DHRSX: variants seen among roughly 807,000 people sequenced by gnomAD.
DHRSX encodes the protein polyprenol dehydrogenase.
Under a neutral mutation model 34.0 loss-of-function variants are expected in DHRSX, and 31 were observed. The observed-to-expected ratio is 0.91, with a 90% CI of 0.69 to 1.23. The LOEUF is 1.23. DHRSX is among the 50% of genes most tolerant of loss of function. DHRSX has a pLI of 0.00. For missense variants in DHRSX, 414 were observed against 428.1 expected, an observed-to-expected ratio of 0.97 and a Z score of 0.29; for synonymous variants, 201 against 183.8, an observed-to-expected ratio of 1.09 and a Z score of -0.76.
intron 1 of DHRSX, among the ~76,000 whole-genome samples, chrX:2,496,180 ATTTTTG>A (rs1453168406): frequency 6.6e-6 from 1 of 151,684 alleles, no homozygotes; most frequent in Admixed American, 6.6e-5. Flanking sequence ...AGAGGTTTTT[ATTTTTG>A]TTTTTGTTTT....
intron 6 of DHRSX, among the ~76,000 whole-genome samples, chrX:2,231,501 C>G (rs934690694): frequency 3.4e-5 from 5 of 144,974 alleles, no homozygotes; most frequent in Non-Finnish European, 6.0e-5. Flanking sequence ...TCATTTCTTC[C>G]TTCTCCTTCT....
chrX:2,344,872 C>CATATATAT (rs775259345), intron 3 of DHRSX, among the ~76,000 whole-genome samples: 72 of 98,350 alleles, frequency 7.3e-4, no homozygotes, highest in East Asian at 1.0e-3. Flanking sequence ...TAAAAAGAAG[C>CATATATAT]ATATATATAT....
intron 5 of DHRSX, among the ~76,000 whole-genome samples, chrX:2,254,930 A>G (rs1457408926): frequency 1.4e-5 from 2 of 147,130 alleles, no homozygotes; most frequent in Admixed American, 1.4e-4. Context: ...GGTGTGAGCC[A>G]CTGTGCCTGC....
chrX:2,255,594 TAAAG>T (rs2041265864), intron 5 of DHRSX, among the ~76,000 whole-genome samples: 1 of 151,900 alleles, frequency 6.6e-6, no homozygotes, highest in African/African-American at 2.4e-5. Context: ...CAGAGTGAAA[TAAAG>T]AATTTCTTAA....
chrX:2,330,087 G>C (rs1486830762), intron 3 of DHRSX, among the ~76,000 whole-genome samples: 17 of 12,976 alleles, frequency 1.3e-3, no homozygotes, highest in South Asian at 7.7e-3. Context: ...GGGGGGGGGG[G>C]GGGGGGGAGG....
intron 3 of DHRSX, among the ~76,000 whole-genome samples, chrX:2,312,489 C>T (rs1297174098): frequency 6.6e-6 from 1 of 151,942 alleles, no homozygotes; most frequent in Non-Finnish European, 1.5e-5. Flanking sequence ...AAACCAAACA[C>T]TGCATGTTTT....
intron 1 of DHRSX, among the ~76,000 whole-genome samples, chrX:2,444,223 A>G (rs1482693290): frequency 6.6e-6 from 1 of 152,194 alleles, no homozygotes; most frequent in Non-Finnish European, 1.5e-5. Context: ...TGGTGATCCC[A>G]AATACAACAA....
chrX:2,393,776 A>AAG lies in DHRSX; in HGVS notation c.286+14968_286+14969insCT, dbSNP rs1471908800. On this transcript the variant is annotated intron_variant, in intron 3 of 6. Transcript: ENST00000334651. ...GGACCTCCCCATCTCCTGGGCACAC[A>AAG]ACACCCAGGGACCTCCCTGTCTCCT... Among the ~76,000 whole-genome samples, 5 of 50,556 alleles carry AAG rather than the reference A, an allele frequency of 9.9e-5. 1 individual carries two copies. Among genetic ancestry groups the AAG allele is most frequent in the East Asian group, 1.1e-3 (2 of 1,770 alleles). 33.2% of individuals were successfully genotyped at this position (50,556 alleles called of 152,430 possible).
intron 1 of DHRSX, among the ~76,000 whole-genome samples, chrX:2,447,767 A>G (rs2044157167): frequency 7.5e-6 from 1 of 133,606 alleles, no homozygotes; most frequent in Non-Finnish European, 1.6e-5. Flanking sequence ...GTGAAGTGAA[A>G]TAAACCAGGC....
At chrX:2,318,513 A>T (rs1478125546) in intron 3 of DHRSX, among the ~76,000 whole-genome samples, 1 of 150,216 alleles carries the variant, frequency 6.7e-6, no homozygotes, top group Non-Finnish European at 1.5e-5. Flanking sequence ...GACGAGACTG[A>T]CCTCTGGTCT....
intron 1 of DHRSX, among the ~76,000 whole-genome samples, chrX:2,445,474 T>G (rs1217067482): frequency 6.6e-6 from 1 of 152,126 alleles, no homozygotes; most frequent in Non-Finnish European, 1.5e-5. Flanking sequence ...TTTTAAAGAA[T>G]GGTATTTGCT....
At chrX:2,361,231 C>T (rs1470985892) in intron 3 of DHRSX, among the ~76,000 whole-genome samples, 1 of 152,086 alleles carries the variant, frequency 6.6e-6, no homozygotes, top group Non-Finnish European at 1.5e-5. Flanking sequence ...CTGCCTCAGC[C>T]TCCTGAGTAG....
chrX:2,411,675 T>G (rs2043631057), intron 2 of DHRSX, among the ~76,000 whole-genome samples: 1 of 150,662 alleles, frequency 6.6e-6, no homozygotes, highest in African/African-American at 2.4e-5. Flanking sequence ...TGCAGTGAGA[T>G]GAGATTGCGC....
intron 6 of DHRSX, among the ~76,000 whole-genome samples, chrX:2,229,013 G>A (rs1470679867): frequency 6.6e-6 from 1 of 152,180 alleles, no homozygotes; most frequent in African/African-American, 2.4e-5. Context: ...GAGGAGGCTA[G>A]CAGGGCTTGG....
chrX:2,282,603 A>G (rs1236348757), intron 4 of DHRSX, among the ~76,000 whole-genome samples: 29 of 131,194 alleles, frequency 2.2e-4, no homozygotes, highest in Admixed American at 4.7e-4. Flanking sequence ...AAGAGGGGAG[A>G]GAGAAGAAAG....
intron 3 of DHRSX, among the ~76,000 whole-genome samples, chrX:2,385,934 T>TA (rs1453947240): frequency 6.6e-6 from 1 of 151,976 alleles, no homozygotes; most frequent in Admixed American, 6.6e-5. Flanking sequence ...CTACACACCT[T>TA]AGGATTTGTG....
intron 1 of DHRSX, chrX:2,490,546 T>G (rs139717854): frequency 1.5e-5 from 25 of 1,613,838 alleles, no homozygotes; most frequent in Admixed American, 1.5e-4. Context: ...TGGAGGTGTT[T>G]CCGGAGTAGG....
intron 1 of DHRSX, among the ~76,000 whole-genome samples, chrX:2,500,103 G>A (rs1476467013): frequency 6.6e-6 from 1 of 152,178 alleles, no homozygotes; most frequent in Non-Finnish European, 1.5e-5. Flanking sequence ...ACACAGTGGC[G>A]GTCATCACTG....
In DHRSX at chrX:2,320,177, C is replaced by T. The variant is rs1352517020; in HGVS notation, c.287-28574G>A. Among the ~76,000 whole-genome samples the T allele has an allele frequency of 2.0e-5, 3 of 151,848 alleles. No individual in the cohort carries two copies. The Admixed American group carries it at 2.0e-4, about 10-fold the overall frequency. ...GTGATAAATATATACATTTACATCT[C>T]AGTGTCCCTCAAGATTCTTAGAACA... is the stretch of plus-strand genomic sequence containing the variant. On this transcript the variant is annotated intron_variant, in intron 3 of 6. Coordinates refer to ENST00000334651, the MANE Select transcript of DHRSX (RefSeq NM_145177.3).
Sources: allele counts gnomAD v4.1 joint callset (sites outside exome capture counted in the v4.1 genomes callset), GRCh38; gene constraint gnomAD v4.1.1; transcripts MANE v1.5; gene names NCBI Gene and HGNC (gene_info 2026-07-23, HGNC 2026-07-21).